ADAM23: variants seen among roughly 807,000 people sequenced by gnomAD.
ADAM23 encodes disintegrin and metalloproteinase domain-containing protein 23.
A neutral mutation model predicts 120.1 loss-of-function variants in ADAM23; 33 were observed. The observed-to-expected ratio is 0.27, with a 90% CI of 0.21 to 0.37. ADAM23 has a LOEUF of 0.37. ADAM23 is among the 10% of genes least tolerant of loss of function. The pLI, the probability that ADAM23 is intolerant of heterozygous loss-of-function variation, is 1.00. For synonymous variants in ADAM23, 367 were observed against 375.2 expected, an observed-to-expected ratio of 0.98 and a Z score of 0.25; for missense variants, 862 against 1,058.2, an observed-to-expected ratio of 0.81 and a Z score of 2.57.
chr2:206,567,184 T>C (rs1697902873), intron 14 of ADAM23, 39 bp from the exon 15 acceptor site: 1 of 1,476,310 alleles, frequency 6.8e-7, no homozygotes, highest in Non-Finnish European at 9.4e-7. Flanking sequence ...TGATTGCTTT[T>C]GGTAAATTAT....
At position 206,497,056 on chromosome 2, in the gene ADAM23, C is replaced by T. The variant is rs1212226249; in HGVS notation, c.509+15748C>T. On this transcript the variant is annotated intron_variant, in intron 3 of 25. Transcript: ENST00000264377. ...GTCCAGGACCAGATGGATTCATAGC[C>T]GAATTCTACCAAAGGTACAAGGAGG... is the stretch of plus-strand genomic sequence containing the variant. Among the ~76,000 whole-genome samples, 13 of 152,240 alleles carry T rather than the reference C, an allele frequency of 8.5e-5. No individual in the cohort carries two copies. The East Asian group carries it at 2.1e-3, about 25-fold the overall frequency.
intron 3 of ADAM23, among the ~76,000 whole-genome samples, chr2:206,494,995 T>C (rs1343871768): frequency 6.6e-6 from 1 of 152,082 alleles, no homozygotes; most frequent in Non-Finnish European, 1.5e-5. Context: ...AATATGGGAC[T>C]ATGTGAAAAG....
intron 2 of ADAM23, among the ~76,000 whole-genome samples, chr2:206,470,583 T>G (rs540392901): frequency 6.6e-6 from 1 of 152,340 alleles, no homozygotes; most frequent in Admixed American, 6.5e-5. Context: ...AGTAAAATTG[T>G]GAAACAGGAC....
intron 15 of ADAM23, among the ~76,000 whole-genome samples, chr2:206,570,007 G>GC (rs1165794092): frequency 6.6e-6 from 1 of 152,072 alleles, no homozygotes; most frequent in Non-Finnish European, 1.5e-5. Context: ...CCTCCCCACT[G>GC]CCCCTGGAAT....
intron 5 of ADAM23, among the ~76,000 whole-genome samples, chr2:206,542,550 CAA>C (rs1020132656): frequency 6.6e-6 from 1 of 152,040 alleles, no homozygotes; most frequent in Non-Finnish European, 1.5e-5. Flanking sequence ...GGTGGGGTGA[CAA>C]AGAGAGGGGT....
chr2:206,458,318 T>G (rs1042263557), intron 2 of ADAM23, among the ~76,000 whole-genome samples: 1 of 111,838 alleles, frequency 8.9e-6, no homozygotes, highest in South Asian at 2.9e-4. Context: ...TGAACTGCTC[T>G]TTCATGAATA....
At chr2:206,474,247 G>A (rs906501911) in intron 2 of ADAM23, among the ~76,000 whole-genome samples, 7 of 152,182 alleles carry the variant, frequency 4.6e-5, no homozygotes, top group South Asian at 2.1e-4. Context: ...TTGCAGAACC[G>A]CCTTCATGTA....
rs549558855 is a variant in ADAM23, at chr2:206,532,760, C to G, written c.573+1812C>G. ...TTTTAAAAATTTCATAATATTATTTCTAATTCATTTGTTATAATATGTTTA... is the reference window on the plus strand; with the variant it reads ...TTTTAAAAATTTCATAATATTATTTGTAATTCATTTGTTATAATATGTTTA... On this transcript the variant is annotated intron_variant, in intron 4 of 25. Transcript: ENST00000264377. Among the ~76,000 whole-genome samples the G allele has an allele frequency of 2.1e-4, 32 of 151,960 alleles. No individual in the cohort carries two copies. In the East Asian group the frequency reaches 6.2e-3, roughly 29 times the overall value.
chr2:206,612,199 G>A (rs1559289398), intron 25 of ADAM23, among the ~76,000 whole-genome samples: 1 of 152,188 alleles, frequency 6.6e-6, no homozygotes, highest in South Asian at 2.1e-4. Flanking sequence ...GATTTTAGTA[G>A]TAACTGTGTG....
At chr2:206,466,444 A>G (rs901306204) in intron 2 of ADAM23, among the ~76,000 whole-genome samples, 1 of 152,168 alleles carries the variant, frequency 6.6e-6, no homozygotes, top group Admixed American at 6.5e-5. Flanking sequence ...TTTACAATTG[A>G]CTTCTATAAT....
At chr2:206,499,084 G>C (rs1380867616) in intron 3 of ADAM23, among the ~76,000 whole-genome samples, 1 of 152,082 alleles carries the variant, frequency 6.6e-6, no homozygotes, top group Non-Finnish European at 1.5e-5. Flanking sequence ...GGAAGTCAGT[G>C]TGATGATTCC....
intron 2 of ADAM23, among the ~76,000 whole-genome samples, chr2:206,456,461 G>A (rs1695303493): frequency 6.6e-6 from 1 of 152,004 alleles, no homozygotes; most frequent in Non-Finnish European, 1.5e-5. Context: ...GACTATGAGA[G>A]CAGGATGTGG....
rs536437112 is a variant in ADAM23 at position 206,560,947 on chromosome 2, G to C, written c.1170-181G>C. ...TTGGTGCTTGCTCAATTGAAATTAC[G>C]TAACATAACAAATTTAAAGGTAATT... On this transcript the variant is annotated intron_variant, in intron 11 of 25. Transcript: ENST00000264377. Among the ~76,000 whole-genome samples the C allele has an allele frequency of 5.9e-5, 9 of 152,218 alleles. No homozygotes were observed. In the South Asian group the frequency reaches 1.5e-3, roughly 25 times the overall value.
Position 206,589,470 on chromosome 2 carries a change from A to G in ADAM23, c.1914A>G (p.Gly638=). The change falls in exon 21 of 26, where the codon GGA becomes GGG. Residue 638 remains glycine (G), a synonymous_variant. Transcript: ENST00000264377. ...EKLNTEGTEK[G]NCGKDGDRWI... is the part of the protein sequence containing the mutation. The stretch of plus-strand genomic sequence containing the variant: ...TGAATACAGAAGGCACTGAGAAGGG[A>G]AACTGCGGGAAGGATGGAGACCGGT... The G allele has an allele frequency of 6.2e-7, 1 of 1,613,906 alleles. No homozygotes were observed. The highest frequency in any genetic ancestry group is 1.3e-5 in the African/African-American group (1 of 75,062).
intron 2 of ADAM23, among the ~76,000 whole-genome samples, chr2:206,471,425 A>G (rs866606684): frequency 6.6e-6 from 1 of 152,208 alleles, no homozygotes; most frequent in South Asian, 2.1e-4. Context: ...TCCAAGGACC[A>G]GAGTAGGCAG....
intron 3 of ADAM23, among the ~76,000 whole-genome samples, chr2:206,496,701 A>C (rs528383058): frequency 6.6e-6 from 1 of 152,204 alleles, no homozygotes; most frequent in Non-Finnish European, 1.5e-5. Flanking sequence ...CAAAAAATCA[A>C]TGAATCCAGG....
intron 23 of ADAM23, 53 bp from the exon 24 acceptor site, chr2:206,595,998 A>G (rs1193850721): frequency 3.6e-6 from 5 of 1,388,792 alleles, no homozygotes; most frequent in African/African-American, 1.4e-5. Context: ...ATTTATCACT[A>G]TTATTCTACA....
intron 2 of ADAM23, among the ~76,000 whole-genome samples, chr2:206,472,610 CAG>C (rs1695683238): frequency 1.7e-5 from 1 of 58,890 alleles, no homozygotes; most frequent in East Asian, 2.9e-4. Context: ...GACTCCATCT[CAG>C]GGGAAAAAAA....
At chr2:206,537,795 A>C (rs1346245470) in intron 4 of ADAM23, among the ~76,000 whole-genome samples, 1 of 152,126 alleles carries the variant, frequency 6.6e-6, no homozygotes, top group East Asian at 1.9e-4. Context: ...CTAGTCTTTG[A>C]ATTAATAGCC....
Sources: gnomAD v4.1 joint callset for allele counts (sites outside exome capture counted in the v4.1 genomes callset) on GRCh38, gnomAD v4.1.1 for gene constraint, MANE v1.5 for transcripts, NCBI Gene and HGNC (gene_info 2026-07-23, HGNC 2026-07-21) for gene names.